OARD1: variants seen among roughly 807,000 people sequenced by gnomAD.
OARD1 encodes O-acyl-ADP-ribose deacylase 1.
OARD1 carries 19 observed loss-of-function variants against 19.7 expected under a neutral mutation model. The observed-to-expected ratio is 0.96, with a 90% CI of 0.67 to 1.41. The LOEUF (loss-of-function observed/expected upper bound fraction) is 1.41. Ranked by LOEUF, OARD1 falls within the 40% of genes most tolerant of loss-of-function variation. The pLI is 0.00. For missense variants in OARD1, 190 were observed against 183.8 expected (o/e 1.03, Z -0.20); for synonymous variants, 70 against 61.8 (o/e 1.13, Z -0.62).
intron 1 of OARD1, among the ~76,000 whole-genome samples, chr6:41,084,445 T>A (rs1417809926): frequency 1.3e-5 from 2 of 152,238 alleles, no homozygotes; most frequent in African/African-American, 4.8e-5. Context: ...GGTTAGAATC[T>A]AGTTTATAGT....
At chr6:41,076,652 G>C (rs1032992405), upstream of OARD1, among the ~76,000 whole-genome samples, 1 of 152,194 alleles carries the variant, frequency 6.6e-6, no homozygotes, top group Non-Finnish European at 1.5e-5. Flanking sequence ...ATGCTAGCCA[G>C]AATAAACACT....
At chr6:41,096,653 A>T (rs1345800363) in intron 1 of OARD1, among the ~76,000 whole-genome samples, 1 of 152,200 alleles carries the variant, frequency 6.6e-6, no homozygotes, top group Non-Finnish European at 1.5e-5. Flanking sequence ...CTGCCTACCA[A>T]GGCTTCAGAG....
At chr6:41,075,098 A>T (rs1403861676), upstream of OARD1, among the ~76,000 whole-genome samples, 1 of 152,156 alleles carries the variant, frequency 6.6e-6, no homozygotes, top group Non-Finnish European at 1.5e-5. Context: ...GATTTTCTTA[A>T]TTCATTTGAT....
rs149588205 is a variant in OARD1 at position 41,080,644 on chromosome 6, C to T, written c.-41-8969G>A. On this transcript the variant is annotated intron_variant, in intron 1 of 4. Transcript: ENST00000480585. ...CACTCTGGAGACAAAGGGCTAATAT[C>T]TTTAATCCTACTACCTTCAACAAAA... Among the ~76,000 whole-genome samples, 25 of 152,328 alleles carry T rather than the reference C, an allele frequency of 1.6e-4. No individual in the cohort carries two copies. In the East Asian group the frequency reaches 4.8e-3, roughly 29 times the overall value.
rs1247260447 is a variant in OARD1 at position 41,065,397 on chromosome 6, A to G, written c.*1938T>C. On this transcript the variant is annotated 3_prime_UTR_variant, in exon 6 of 6. Coordinates refer to ENST00000424266, the MANE Select transcript of OARD1 (RefSeq NM_001329686.2). ...ACACCCTTCAACTGAACTCAACTTA[A>G]GATGGGGTTACCCAGACATAGACCT... The G allele has an allele frequency of 6.6e-6, 1 of 152,240 alleles. No individual in the cohort carries two copies. Among genetic ancestry groups the G allele is most frequent in the Non-Finnish European group, 1.5e-5 (1 of 68,044 alleles). 9.4% of individuals were successfully genotyped at this position (152,240 alleles called of 1,614,324 possible). A position where few individuals can be genotyped will look rare whatever the true frequency, so the allele number is the denominator to read the frequency against.
At chr6:41,075,713 A>G (rs911947923), upstream of OARD1, 1 of 139,278 alleles carries the variant, frequency 7.2e-6, no homozygotes, top group Admixed American at 7.6e-5. Flanking sequence ...TAGCAAAGAA[A>G]AAAAAAGTTC....
At chr6:41,074,854 AGAG>A (rs1264262388), upstream of OARD1, among the ~76,000 whole-genome samples, 2 of 152,198 alleles carry the variant, frequency 1.3e-5, no homozygotes, top group African/African-American at 4.8e-5. Flanking sequence ...TTGGGGATGA[AGAG>A]GAGACTTGTC....
chr6:41,067,402 T>C lies in OARD1; in HGVS notation c.392A>G (p.Asn131Ser). The change falls in exon 6 of 6, where the codon AAT (asparagine) becomes AGT (serine). Residue 131 changes from asparagine (N) to serine (S), a missense_variant. By Grantham distance (46) the Asn-to-Ser change is conservative (BLOSUM62 1). Coordinates refer to ENST00000424266, the MANE Select transcript of OARD1 (RefSeq NM_001329686.2). ...GCGLDRLQWE[N>S]VSAMIEEVFE... ...TACCTCCTCGATCATCGCAGATACA[T>C]TTTCCCATTGCAGACGATCAAGACC... The C allele has an allele frequency of 1.2e-6, 2 of 1,613,126 alleles. No homozygotes were observed. The highest frequency in any genetic ancestry group is 1.7e-6 in the Non-Finnish European group (2 of 1,179,198).
chr6:41,078,672 T>TA, intron 1 of OARD1, among the ~76,000 whole-genome samples: 1 of 152,338 alleles, frequency 6.6e-6, no homozygotes, highest in East Asian at 1.9e-4. Context: ...TGTTACAACT[T>TA]AAAGAAGCTT....
In OARD1 at chr6:41,065,913, G is replaced by A. The variant is rs1423286938; in HGVS notation, c.*1422C>T. 1 of 152,178 alleles carries A rather than the reference G, an allele frequency of 6.6e-6. No individual in the cohort carries two copies. The highest frequency in any genetic ancestry group is 2.4e-5 in the African/African-American group (1 of 41,432). 9.4% of individuals were successfully genotyped at this position (152,178 alleles called of 1,614,324 possible). On this transcript the variant is annotated 3_prime_UTR_variant, in exon 6 of 6. Coordinates refer to ENST00000424266, the MANE Select transcript of OARD1 (RefSeq NM_001329686.2). The stretch of plus-strand genomic sequence containing the variant: ...GTTTTAACTCTCAACACCACTGTAA[G>A]GGAAAACAAGAAAATGTCTAGTTTC...
At chr6:41,073,196 C>T (rs1057060326), upstream of OARD1, 3 of 152,088 alleles carry the variant, frequency 2.0e-5, no homozygotes, top group Admixed American at 1.3e-4. Context: ...CCCGGGGAGT[C>T]GAGCTGAGCC....
rs372537980 is a variant in OARD1, at chr6:41,068,918, A to G, written c.279T>C (p.Tyr93=). ...CCTCTAAACTCTTCTGTAAGTTTTC[A>G]TAAGTTGGCTTGTGCGAAGCCCTTT... ...TKKRASHKPT[Y]ENLQKSLEAM... Residue 93 remains tyrosine (Y), a synonymous_variant, in exon 5 of 6, where the codon TAT becomes TAC. Transcript: ENST00000424266. 69 of 1,610,200 alleles carry G rather than the reference A, an allele frequency of 4.3e-5. No homozygotes were observed. In the African/African-American group the frequency reaches 5.2e-4, roughly 12 times the overall value.
At chr6:41,090,105 C>T (rs1432424751) in intron 1 of OARD1, 8 of 783,130 alleles carry the variant, frequency 1.0e-5, no homozygotes, top group African/African-American at 1.7e-5. Context: ...CAGAGTGAGA[C>T]TCTGTCTCAA....
At chr6:41,094,525 C>T (rs1295388757) in intron 1 of OARD1, 2 of 1,562,572 alleles carry the variant, frequency 1.3e-6, no homozygotes, top group Admixed American at 1.7e-5. Flanking sequence ...TTTTATTCTT[C>T]TCTTTATTAC....
At chr6:41,073,921 C>T (rs1327461655), upstream of OARD1, among the ~76,000 whole-genome samples, 3 of 151,578 alleles carry the variant, frequency 2.0e-5, no homozygotes, top group Admixed American at 6.6e-5. Flanking sequence ...CCCAACCAAG[C>T]GGTCTCCGTT....
intron 1 of OARD1, chr6:41,079,237 T>G: frequency 7.2e-7 from 1 of 1,396,212 alleles, no homozygotes; most frequent in Non-Finnish European, 1.0e-6. Context: ...GGTTGGTCTA[T>G]TGCCCTGGGG....
intron 1 of OARD1, chr6:41,080,688 T>C (rs1036546538): frequency 1.7e-5 from 12 of 713,536 alleles, no homozygotes; most frequent in Non-Finnish European, 2.9e-5. Context: ...ATATAGGGAG[T>C]CTGTACATTT....
At chr6:41,089,786 T>C in intron 1 of OARD1, 1 of 1,536,132 alleles carries the variant, frequency 6.5e-7, no homozygotes, top group Non-Finnish European at 8.8e-7. Flanking sequence ...ATATTTCATG[T>C]ATAGCATGTA....
At chr6:41,074,507 G>T (rs766275492), upstream of OARD1, among the ~76,000 whole-genome samples, 1 of 152,210 alleles carries the variant, frequency 6.6e-6, no homozygotes, top group African/African-American at 2.4e-5. Context: ...TATCACCACC[G>T]CACTTTTGAC....
Sources: allele counts gnomAD v4.1 joint callset (sites outside exome capture counted in the v4.1 genomes callset), GRCh38; gene constraint gnomAD v4.1.1; transcripts MANE v1.5; gene names NCBI Gene and HGNC (gene_info 2026-07-23, HGNC 2026-07-21).